RPL37A: variants seen among roughly 807,000 people sequenced by gnomAD.
RPL37A encodes ribosomal protein L37a.
A neutral mutation model predicts 13.6 loss-of-function variants in RPL37A; 5 were observed. The observed-to-expected ratio is 0.37, with a 90% confidence interval of 0.19 to 0.78. The LOEUF (loss-of-function observed/expected upper bound fraction) is 0.78, where lower values mean the gene tolerates loss of function less well. Ranked by LOEUF, RPL37A falls within the 30% of genes least tolerant of loss-of-function variation. The pLI, the probability that RPL37A is intolerant of heterozygous loss-of-function variation, is 0.49. For synonymous variants in RPL37A, 50 were observed against 44.4 expected, an observed-to-expected ratio of 1.13 and a Z score of -0.50; for missense variants, 77 against 120.0, an observed-to-expected ratio of 0.64 and a Z score of 1.67.
chr2:216,501,525 T>C lies in RPL37A; in HGVS notation c.*121T>C. The C allele has an allele frequency of 1.6e-6, 1 of 626,814 alleles. No homozygotes were observed. Among genetic ancestry groups the C allele is most frequent in the Admixed American group, 3.1e-5 (1 of 32,478 alleles). The allele number at this position is 626,814 out of a possible 1,614,324, so 38.8% of individuals were successfully genotyped here. ...TGATGTTTGCATTGTGTAAATACTG[T>C]TGTATTGGAAAAGCATGCCAAGATG... On this transcript the variant is annotated 3_prime_UTR_variant, in exon 4 of 4. Transcript: ENST00000491306.
At chr2:216,499,595 C>T (rs1001396366) in intron 2 of RPL37A, 197 bp downstream of exon 2, 11 of 708,802 alleles carry the variant, frequency 1.6e-5, no homozygotes, top group South Asian at 1.6e-4. Context: ...TAAAGAAAAC[C>T]GCTTAAACGT....
rs1695617045 is a variant in RPL37A, at chr2:216,502,462, T to A, written c.*1058T>A. 6.6e-6 allele frequency: 1 copy of A among 152,270 alleles called. No individual in the cohort carries two copies. Among genetic ancestry groups the A allele is most frequent in the African/African-American group, 2.4e-5 (1 of 41,478 alleles). 9.4% of individuals were successfully genotyped at this position (152,270 alleles called of 1,614,324 possible). On this transcript the variant is annotated 3_prime_UTR_variant, in exon 4 of 4. Transcript: ENST00000491306. ...AATTTCACATTAAATGTTGCAAACGTCTGCAATTCTCCAGTTTTTAGTTTG... is the reference window on the plus strand; with the variant it reads ...AATTTCACATTAAATGTTGCAAACGACTGCAATTCTCCAGTTTTTAGTTTG...
At chr2:216,498,899 G>A in intron 1 of RPL37A, 22 bp downstream of exon 1, 1 of 1,613,874 alleles carries the variant, frequency 6.2e-7, no homozygotes, top group Non-Finnish European at 8.5e-7. Flanking sequence ...TCTCTGTGCG[G>A]CCTAGAACTC....
intron 2 of RPL37A, 41 bp from the exon 3 acceptor site, chr2:216,499,908 T>C: frequency 1.3e-6 from 2 of 1,526,914 alleles, no homozygotes; most frequent in Non-Finnish European, 1.8e-6. Flanking sequence ...TAAGAGAAAA[T>C]ACTTACTTGG....
intron 3 of RPL37A, chr2:216,500,475 T>C (rs1695580911): frequency 5.2e-6 from 1 of 192,662 alleles, no homozygotes; most frequent in Non-Finnish European, 1.1e-5. Context: ...GGTTTGTGAA[T>C]CTGCAACTCA....
intron 1 of RPL37A, 84 bp from the exon 2 acceptor site, chr2:216,499,186 T>G: frequency 6.8e-7 from 1 of 1,470,688 alleles, no homozygotes; most frequent in Non-Finnish European, 9.2e-7. Flanking sequence ...CACACGTCAG[T>G]GAGGTGGAGG....
Position 216,499,418 on chromosome 2 carries a change from T to A in RPL37A, c.132+20T>A. The A allele has an allele frequency of 6.2e-7, 1 of 1,613,084 alleles. No homozygotes were observed. Among genetic ancestry groups the A allele is most frequent in the Non-Finnish European group, 8.5e-7 (1 of 1,179,342 alleles). ...GGCAAAGTAAGTAAGGCAAAGTCTC[T>A]GGTGAGAGGAGAGGGAGGGCAGGTT... On this transcript the variant is annotated intron_variant, in intron 2 of 3. Transcript: ENST00000491306.
In RPL37A at chr2:216,499,168, A is replaced by T. The variant is rs1160073467; in HGVS notation, c.4-102A>T. On this transcript the variant is annotated intron_variant, in intron 1 of 3. Transcript: ENST00000491306. ...GAAAACTAGGTCATATGTAATTCAC[A>T]TGTCGGTCACACGTCAGTGAGGTGG... 4.3e-6 allele frequency: 6 copies of T among 1,387,436 alleles called. No individual in the cohort carries two copies. The Admixed American group carries it at 1.3e-4, about 30-fold the overall frequency. 85.9% of individuals were successfully genotyped at this position (1,387,436 alleles called of 1,614,324 possible).
intron 1 of RPL37A, 116 bp downstream of exon 1, chr2:216,498,993 C>A: frequency 7.0e-7 from 1 of 1,438,644 alleles, no homozygotes; most frequent in Non-Finnish European, 9.7e-7. Flanking sequence ...TGTCTCCATG[C>A]CTTTGCAGGA....
intron 2 of RPL37A, 34 bp downstream of exon 2, chr2:216,499,432 G>A: frequency 6.2e-7 from 1 of 1,610,540 alleles, no homozygotes; most frequent in South Asian, 1.1e-5. Context: ...GAGAGGAGAG[G>A]GAGGGCAGGT....
intron 3 of RPL37A, chr2:216,500,716 T>C (rs1307811750): frequency 6.6e-6 from 1 of 152,348 alleles, no homozygotes; most frequent in Non-Finnish European, 1.5e-5. Context: ...GAGTGCTTTC[T>C]TGGTTCTGAT....
chr2:216,499,030 G>T, intron 1 of RPL37A, 153 bp downstream of exon 1: 1 of 1,291,912 alleles, frequency 7.7e-7, no homozygotes, highest in Non-Finnish European at 1.1e-6. Flanking sequence ...GCTCCCCAAG[G>T]CGGAGGGGCG....
chr2:216,503,627 C>G lies in RPL37A; in HGVS notation c.*2223C>G, dbSNP rs375435897. 6.6e-6 allele frequency: 1 copy of G among 152,162 alleles called. No homozygotes were observed. Among genetic ancestry groups the G allele is most frequent in the East Asian group, 1.9e-4 (1 of 5,194 alleles). The allele number at this position is 152,162 out of a possible 1,614,324, so 9.4% of individuals were successfully genotyped here. The stretch of plus-strand genomic sequence containing the variant: ...ATGTTGACCAGGCTGGTCTCAAACT[C>G]CCAGGCTCAACTGATAACGTCTGCC... On this transcript the variant is annotated 3_prime_UTR_variant, in exon 4 of 4. Coordinates refer to ENST00000491306, the MANE Select transcript of RPL37A (RefSeq NM_000998.5).
chr2:216,499,641 A>T lies in RPL37A; in HGVS notation c.132+243A>T, dbSNP rs1695563016. The T allele has an allele frequency of 1.4e-5, 9 of 630,142 alleles. 1 individual carries two copies. The South Asian group carries it at 1.6e-4, about 11-fold the overall frequency. 39.0% of individuals were successfully genotyped at this position (630,142 alleles called of 1,614,324 possible). On this transcript the variant is annotated intron_variant, in intron 2 of 3. Coordinates refer to ENST00000491306, the MANE Select transcript of RPL37A (RefSeq NM_000998.5). ...AATAATCATTTGACAGAGTGCCCCC[A>T]GCCTAAGCCAAACCTGCTTTGTGGG...
At chr2:216,500,143 G>A in intron 3 of RPL37A, 112 bp downstream of exon 3, 1 of 768,334 alleles carries the variant, frequency 1.3e-6, no homozygotes, top group East Asian at 2.5e-5. Flanking sequence ...AGAGAATAAG[G>A]ATGCCTTTGT....
intron 3 of RPL37A, chr2:216,500,755 A>G (rs1334615119): frequency 1.3e-5 from 2 of 152,394 alleles, no homozygotes; most frequent in Middle Eastern, 3.2e-3. Context: ...TATACTTACA[A>G]TACAGGATGG....
rs1286588970 is a variant in RPL37A, at chr2:216,502,179, T to C, written c.*775T>C. ...CCGTCTCGACGAAAAATACAAAAAA[T>C]AGCTTGGTATGGTGGCACATGCCTG... On this transcript the variant is annotated 3_prime_UTR_variant, in exon 4 of 4. Transcript: ENST00000491306. 6.6e-6 allele frequency: 1 copy of C among 152,064 alleles called. No homozygotes were observed. Among genetic ancestry groups the C allele is most frequent in the Non-Finnish European group, 1.5e-5 (1 of 68,024 alleles). 9.4% of individuals were successfully genotyped at this position (152,064 alleles called of 1,614,324 possible). A position where few individuals can be genotyped will look rare whatever the true frequency, so the allele number is the denominator to read the frequency against.
intron 3 of RPL37A, 38 bp from the exon 4 acceptor site, chr2:216,501,303 A>G (rs749194291): frequency 3.2e-6 from 5 of 1,562,980 alleles, no homozygotes; most frequent in East Asian, 2.2e-5. Context: ...CTATGTTAAC[A>G]TGCTTAATTA....
In RPL37A at chr2:216,501,548, A is replaced by G. The variant is rs1695600224; in HGVS notation, c.*144A>G. ...TGTTGTATTGGAAAAGCATGCCAAG[A>G]TGGATTATTGTAATTCAGTGTCTTT... is the stretch of plus-strand genomic sequence containing the variant. On this transcript the variant is annotated 3_prime_UTR_variant, in exon 4 of 4. Transcript: ENST00000491306. 6 of 562,308 alleles carry G rather than the reference A, an allele frequency of 1.1e-5. No individual in the cohort carries two copies. Among genetic ancestry groups the G allele is most frequent in the African/African-American group, 7.6e-5 (4 of 52,728 alleles). 34.8% of individuals were successfully genotyped at this position (562,308 alleles called of 1,614,324 possible). A position where few individuals can be genotyped will look rare whatever the true frequency, so the allele number is the denominator to read the frequency against.
Sources: gnomAD v4.1 joint callset for allele counts on GRCh38, gnomAD v4.1.1 for gene constraint, MANE v1.5 for transcripts, NCBI Gene and HGNC (gene_info 2026-07-23, HGNC 2026-07-21) for gene names.